TEAD1: variants seen among roughly 807,000 people sequenced by gnomAD.
The protein encoded by TEAD1 is TEA domain transcription factor 1.
A neutral mutation model predicts 54.9 loss-of-function variants in TEAD1; 9 were observed. The ratio of observed to expected loss-of-function variants is 0.16; its 90% confidence interval spans 0.10 to 0.29. The LOEUF is 0.29. Among genes scored for constraint, TEAD1 ranks in the 10% least tolerant of loss-of-function variants. The pLI is 1.00. For missense variants in TEAD1, 387 were observed against 535.9 expected, an observed-to-expected ratio of 0.72 and a Z score of 2.74; for synonymous variants, 200 against 187.8, an observed-to-expected ratio of 1.07 and a Z score of -0.53.
At chr11:12,869,331 C>T (rs1420065921) in intron 5 of TEAD1, among the ~76,000 whole-genome samples, 1 of 152,092 alleles carries the variant, frequency 6.6e-6, no homozygotes, top group Non-Finnish European at 1.5e-5. Flanking sequence ...ACCCACACCC[C>T]CTGGGGCTGC....
In TEAD1 at chr11:12,887,097, G is replaced by GGT. The variant is rs1948105454; in HGVS notation, c.699+3972_699+3973insGT. ...AGTTTTTTTGTTTTTTTTTTTGTTT[G>GGT]TTTTTTTTTTTTTTGGAGACACAGA... On this transcript the variant is annotated intron_variant, in intron 9 of 12. Coordinates refer to ENST00000527636, the MANE Select transcript of TEAD1 (RefSeq NM_021961.6). Among the ~76,000 whole-genome samples, 91 of 112,806 alleles carry GGT rather than the reference G, an allele frequency of 8.1e-4. 3 individuals carry two copies. Among genetic ancestry groups the GGT allele is most frequent in the African/African-American group, 2.1e-3 (60 of 29,000 alleles). The allele number at this position is 112,806 out of a possible 152,430, so 74.0% of individuals were successfully genotyped here.
chr11:12,855,412 C>A (rs573075827), intron 3 of TEAD1, among the ~76,000 whole-genome samples: 19 of 152,096 alleles, frequency 1.2e-4, no homozygotes, highest in African/African-American at 4.1e-4. Flanking sequence ...GCCTCAGCCC[C>A]CCGAGTAGCT....
chr11:12,755,241 G>C (rs563121767), intron 2 of TEAD1, among the ~76,000 whole-genome samples: 2 of 152,156 alleles, frequency 1.3e-5, no homozygotes, highest in South Asian at 4.2e-4. Flanking sequence ...TGCAGCTGAG[G>C]GGACTTCTTG....
intron 2 of TEAD1, among the ~76,000 whole-genome samples, chr11:12,727,680 G>A (rs1349612460): frequency 5.9e-5 from 9 of 152,118 alleles, no homozygotes; most frequent in Admixed American, 5.2e-4. Context: ...ATAGAAGGTC[G>A]AAGTGTGGGA....
chr11:12,735,242 T>G (rs1409139230), intron 2 of TEAD1, among the ~76,000 whole-genome samples: 3 of 152,210 alleles, frequency 2.0e-5, no homozygotes, highest in African/African-American at 7.2e-5. Context: ...CCTTTCTCCT[T>G]AGCTAGCCAG....
chr11:12,910,501 TAAAGAA>T (rs1457855129), intron 10 of TEAD1, among the ~76,000 whole-genome samples: 1 of 152,130 alleles, frequency 6.6e-6, no homozygotes, highest in African/African-American at 2.4e-5. Context: ...ATTGGAATAA[TAAAGAA>T]GAAAGCAATA....
At chr11:12,858,416 C>G (rs945474667) in intron 3 of TEAD1, among the ~76,000 whole-genome samples, 8 of 152,134 alleles carry the variant, frequency 5.3e-5, no homozygotes, top group African/African-American at 1.4e-4. Context: ...GGTAACAGAT[C>G]AGCCTGTATT....
chr11:12,757,956 T>G (rs1370691580), intron 2 of TEAD1, among the ~76,000 whole-genome samples: 1 of 152,084 alleles, frequency 6.6e-6, no homozygotes, highest in Non-Finnish European at 1.5e-5. Flanking sequence ...ATTTTTGTAT[T>G]TTTAGTAGAG....
Position 12,714,221 on chromosome 11 carries a change from C to G in TEAD1, c.-55+38660C>G, listed in dbSNP as rs1348104463. ...AGTCACATCCAGGGCTGCTCTTTGG[C>G]TAAGGGGCAGAAGCCTCCCAAGCAG... On this transcript the variant is annotated intron_variant, in intron 2 of 12. Coordinates refer to ENST00000527636, the MANE Select transcript of TEAD1 (RefSeq NM_021961.6). Among the ~76,000 whole-genome samples the G allele has an allele frequency of 2.0e-5, 3 of 152,080 alleles. No homozygotes were observed. In the South Asian group the frequency reaches 6.2e-4, roughly 31 times the overall value.
At chr11:12,723,237 T>C (rs76386939) in intron 2 of TEAD1, among the ~76,000 whole-genome samples, 3,334 of 152,264 alleles carry the variant, frequency 0.022, 99 homozygotes, top group African/African-American at 0.077. Context: ...TTTACAAAAG[T>C]TTGGCTCAAT....
At position 12,795,971 on chromosome 11, in the gene TEAD1, G is replaced by A. The variant is rs77772294; in HGVS notation, c.202+31537G>A. 6.9e-3 allele frequency among the ~76,000 whole-genome samples: 1,049 copies of A among 152,256 alleles called. 12 individuals are homozygous for A. The highest frequency in any genetic ancestry group is 0.024 in the African/African-American group (1,002 of 41,534). Reference sequence around the variant, plus strand: ...ATTATTCTGATTCACAGTATAAGTTGAGGACCACTGTGGGGCTGGAGGTCC... The same window carrying A: ...ATTATTCTGATTCACAGTATAAGTTAAGGACCACTGTGGGGCTGGAGGTCC... On this transcript the variant is annotated intron_variant, in intron 3 of 12. Transcript: ENST00000527636.
At chr11:12,826,161 G>A (rs1946650685) in intron 3 of TEAD1, among the ~76,000 whole-genome samples, 2 of 152,186 alleles carry the variant, frequency 1.3e-5, no homozygotes, top group African/African-American at 4.8e-5. Context: ...ATTACTTTTC[G>A]AGAAGGTTTG....
chr11:12,778,442 A>C (rs1945474912), intron 3 of TEAD1, among the ~76,000 whole-genome samples: 1 of 152,008 alleles, frequency 6.6e-6, no homozygotes, highest in African/African-American at 2.4e-5. Context: ...AGCCTTCCTT[A>C]ATCTCCACAG....
At chr11:12,764,053 C>T (rs1388430696) in intron 2 of TEAD1, 126 bp from the exon 3 acceptor site, 1 of 673,934 alleles carries the variant, frequency 1.5e-6, no homozygotes, top group African/African-American at 1.8e-5. Context: ...TGTGTATCCC[C>T]AAAAAGACTG....
At chr11:12,725,804 C>T (rs1463936729) in intron 2 of TEAD1, among the ~76,000 whole-genome samples, 2 of 152,124 alleles carry the variant, frequency 1.3e-5, no homozygotes, top group African/African-American at 4.8e-5. Context: ...GCTGGTTGTA[C>T]AGGAAGGCTA....
At chr11:12,847,602 A>T (rs1185807582) in intron 3 of TEAD1, among the ~76,000 whole-genome samples, 1 of 152,176 alleles carries the variant, frequency 6.6e-6, no homozygotes, top group Non-Finnish European at 1.5e-5. Context: ...AGGAGAAAAG[A>T]CAAAAACTGA....
chr11:12,677,401 C>A (rs561287598), intron 2 of TEAD1, among the ~76,000 whole-genome samples: 10 of 152,040 alleles, frequency 6.6e-5, no homozygotes, highest in Non-Finnish European at 1.3e-4. Flanking sequence ...CCTCCCTTTC[C>A]CATTTCCTCT....
At chr11:12,727,063 A>T (rs1044551615) in intron 2 of TEAD1, among the ~76,000 whole-genome samples, 10 of 151,588 alleles carry the variant, frequency 6.6e-5, no homozygotes, top group African/African-American at 2.4e-4. Context: ...AACATGGTGA[A>T]ACCCCGTCTC....
chr11:12,733,824 A>C lies in TEAD1; in HGVS notation c.-54-30355A>C, dbSNP rs541409579. 4.5e-4 allele frequency among the ~76,000 whole-genome samples: 69 copies of C among 152,338 alleles called. 2 individuals are homozygous for C. The South Asian group carries it at 0.014, about 31-fold the overall frequency. On this transcript the variant is annotated intron_variant, in intron 2 of 12. Coordinates refer to ENST00000527636, the MANE Select transcript of TEAD1 (RefSeq NM_021961.6). ...AGTGGTCACTTTATAATGGAGCGAA[A>C]AATTCCTATTGTCTAGTGACATCTA...
Sources: gnomAD v4.1 joint callset for allele counts (sites outside exome capture counted in the v4.1 genomes callset) on GRCh38, gnomAD v4.1.1 for gene constraint, MANE v1.5 for transcripts, NCBI Gene and HGNC (gene_info 2026-07-23, HGNC 2026-07-21) for gene names.